BNC2: variants seen among roughly 807,000 people sequenced by gnomAD.
BNC2 encodes basonuclin zinc finger protein 2.
In BNC2, 20 loss-of-function variants were observed where a neutral mutation model predicts 76.3. The observed-to-expected ratio is 0.26, with a 90% confidence interval of 0.18 to 0.38. BNC2 has a LOEUF of 0.38. Ranked by LOEUF, BNC2 falls within the 10% of genes least tolerant of loss-of-function variation. The pLI is 1.00. For missense variants in BNC2, 1,382 were observed against 1,399.8 expected (o/e 0.99, Z 0.20); for synonymous variants, 582 against 514.8 (o/e 1.13, Z -1.77).
intron 5 of BNC2, among the ~76,000 whole-genome samples, chr9:16,446,800 G>GC: frequency 2.2e-3 from 1 of 452 alleles, no homozygotes. Flanking sequence ...GATCACTCTG[G>GC]GGTACAACAT....
chr9:16,835,904 A>G (rs952811944), intron 1 of BNC2, among the ~76,000 whole-genome samples: 1 of 152,172 alleles, frequency 6.6e-6, no homozygotes, highest in Admixed American at 6.5e-5. Flanking sequence ...GACTTGCTCT[A>G]ATAGGATAAA....
At chr9:16,626,636 C>A (rs1034085594) in intron 3 of BNC2, among the ~76,000 whole-genome samples, 1 of 152,106 alleles carries the variant, frequency 6.6e-6, no homozygotes, top group South Asian at 2.1e-4. Flanking sequence ...GGGGTGCTGG[C>A]CCTCATCTCC....
intron 1 of BNC2, among the ~76,000 whole-genome samples, chr9:16,868,653 C>T (rs1382344613): frequency 6.6e-6 from 1 of 152,166 alleles, no homozygotes; most frequent in Non-Finnish European, 1.5e-5. Context: ...AAAGATACTC[C>T]TGTACTTTGG....
intron 1 of BNC2, among the ~76,000 whole-genome samples, chr9:16,824,860 T>C (rs1269940426): frequency 6.6e-6 from 1 of 152,022 alleles, no homozygotes; most frequent in African/African-American, 2.4e-5. Flanking sequence ...GTGCAAATAA[T>C]TGTTCTACTT....
In BNC2 at chr9:16,419,346, G is replaced by A. The variant is rs374901966; in HGVS notation, c.2943C>T (p.Asp981=). Residue 981 remains aspartate, a synonymous_variant, in exon 7 of 7, where the codon GAC becomes GAT. Coordinates refer to ENST00000380672, the MANE Select transcript of BNC2 (RefSeq NM_017637.6). The part of the protein sequence containing the change: ...SSSIHSSRES[D]AGSDEGILLD... ...GAAGAATCCCCTCATCGCTGCCTGC[G>A]TCGGATTCTCTGGAGGAATGGATAC... The A allele has an allele frequency of 1.9e-5, 31 of 1,610,880 alleles. No individual in the cohort carries two copies. Among genetic ancestry groups the A allele is most frequent in the Admixed American group, 1.2e-4 (7 of 59,784 alleles).
rs60082380 is a variant in BNC2, at chr9:16,857,480, T to TA, written c.3+13165dup. Among the ~76,000 whole-genome samples, 698 of 75,692 alleles carry TA rather than the reference T, an allele frequency of 9.2e-3. 10 individuals are homozygous for TA. Among genetic ancestry groups the TA allele is most frequent in the South Asian group, 0.029 (62 of 2,114 alleles). 49.7% of individuals were successfully genotyped at this position (75,692 alleles called of 152,430 possible). On this transcript the variant is annotated intron_variant, in intron 1 of 6. Transcript: ENST00000380672. Reference sequence around the variant, plus strand: ...CAACAGAGTGAGACTCTGTCTCAAATAAAAAAAAAAAAAAAAAAAAAAAAA... The same window carrying TA: ...CAACAGAGTGAGACTCTGTCTCAAATAAAAAAAAAAAAAAAAAAAAAAAAAA...
intron 5 of BNC2, among the ~76,000 whole-genome samples, chr9:16,443,309 T>C (rs1821167669): frequency 6.6e-6 from 1 of 152,198 alleles, no homozygotes; most frequent in South Asian, 2.1e-4. Flanking sequence ...TATTTTTTCA[T>C]GTCTAGATTG....
At chr9:16,685,869 T>G (rs1822962798) in intron 3 of BNC2, among the ~76,000 whole-genome samples, 1 of 152,320 alleles carries the variant, frequency 6.6e-6, no homozygotes, top group South Asian at 2.1e-4. Flanking sequence ...TTGTTCCTCC[T>G]TGTATTCACA....
chr9:16,718,439 T>C (rs1202196715), intron 3 of BNC2, among the ~76,000 whole-genome samples: 1 of 152,218 alleles, frequency 6.6e-6, no homozygotes, highest in Non-Finnish European at 1.5e-5. Flanking sequence ...TTAAGCTCCA[T>C]TCAGTCCCAT....
chr9:16,835,090 CAG>C (rs1490811987), intron 1 of BNC2, among the ~76,000 whole-genome samples: 2 of 152,040 alleles, frequency 1.3e-5, no homozygotes, highest in African/African-American at 2.4e-5. Flanking sequence ...AACTGAGTTA[CAG>C]AGTGTTGTGC....
intron 2 of BNC2, among the ~76,000 whole-genome samples, chr9:16,736,549 C>G (rs1346903246): frequency 6.7e-6 from 1 of 150,200 alleles, no homozygotes; most frequent in Non-Finnish European, 1.5e-5. Flanking sequence ...AATCTTGGCT[C>G]ACTGCAATCT....
chr9:16,616,837 A>AAGGAAGGAAGGAAGGAAGTT (rs1431416345), intron 3 of BNC2, among the ~76,000 whole-genome samples: 65 of 150,024 alleles, frequency 4.3e-4, no homozygotes, highest in Admixed American at 3.5e-3. Context: ...GGAAGGAAGG[A>AAGGAAGGAAGGAAGGAAGTT]AGTTCTACTG....
At chr9:16,861,620 A>G (rs969487268) in intron 1 of BNC2, among the ~76,000 whole-genome samples, 2 of 152,202 alleles carry the variant, frequency 1.3e-5, no homozygotes, top group African/African-American at 2.4e-5. Context: ...CCACAGAGAT[A>G]TCACTTCATA....
Position 16,699,243 on chromosome 9 carries a change from CA to C in BNC2, c.330+28553del, listed in dbSNP as rs376605726. The C allele has an allele frequency of 6.0e-4, 280 of 468,932 alleles. 2 individuals are homozygous for C. Among genetic ancestry groups the C allele is most frequent in the African/African-American group, 4.9e-3 (245 of 50,024 alleles). The allele number at this position is 468,932 out of a possible 1,614,324, so 29.0% of individuals were successfully genotyped here. On this transcript the variant is annotated intron_variant, in intron 3 of 6. Transcript: ENST00000380672. ...ATATGTGGCAACCTAAATAATGCAA[CA>C]AAAAAGTCCCTTATAGAAGCATGCA...
chr9:16,660,175 C>T (rs1285733243), intron 3 of BNC2, among the ~76,000 whole-genome samples: 1 of 152,202 alleles, frequency 6.6e-6, no homozygotes, highest in Non-Finnish European at 1.5e-5. Flanking sequence ...ATCTTTGGGG[C>T]CGGGCGCGGT....
chr9:16,858,647 C>T (rs1819321445), intron 1 of BNC2, among the ~76,000 whole-genome samples: 1 of 152,132 alleles, frequency 6.6e-6, no homozygotes, highest in Admixed American at 6.5e-5. Flanking sequence ...GGATCAAGAC[C>T]ATCCTGGCTA....
chr9:16,430,540 T>G (rs1264184901), intron 6 of BNC2, among the ~76,000 whole-genome samples: 1 of 152,204 alleles, frequency 6.6e-6, no homozygotes, highest in South Asian at 2.1e-4. Context: ...AAATGGTTGT[T>G]GCTATGCTGA....
intron 5 of BNC2, among the ~76,000 whole-genome samples, chr9:16,474,672 TCA>T (rs1821892883): frequency 6.6e-6 from 1 of 152,218 alleles, no homozygotes; most frequent in Non-Finnish European, 1.5e-5. Flanking sequence ...TAGTTTATCT[TCA>T]TATAGTGTAA....
At chr9:16,746,474 G>A (rs1263234739) in intron 1 of BNC2, among the ~76,000 whole-genome samples, 1 of 151,812 alleles carries the variant, frequency 6.6e-6, no homozygotes, top group Non-Finnish European at 1.5e-5. Context: ...AGGGATTCTC[G>A]AGCCTCAGCC....
Sources: gnomAD v4.1 joint callset for allele counts (sites outside exome capture counted in the v4.1 genomes callset) on GRCh38, gnomAD v4.1.1 for gene constraint, MANE v1.5 for transcripts, NCBI Gene and HGNC (gene_info 2026-07-23, HGNC 2026-07-21) for gene names.